Variants in IMPG2 observed in about 807,000 individuals in gnomAD.
IMPG2 encodes the protein IPM 200.
A neutral mutation model predicts 129.2 loss-of-function variants in IMPG2; 91 were observed. The observed-to-expected ratio is 0.70, with a 90% CI of 0.59 to 0.84. IMPG2 has a LOEUF of 0.84. IMPG2 is among the 40% of genes least tolerant of loss of function. IMPG2 has a pLI of 0.00. For missense variants in IMPG2, 1,430 were observed against 1,461.7 expected, an observed-to-expected ratio of 0.98 and a Z score of 0.35; for synonymous variants, 510 against 517.7, an observed-to-expected ratio of 0.99 and a Z score of 0.20.
intron 3 of IMPG2, among the ~76,000 whole-genome samples, chr3:101,300,558 G>T (rs1442639222): frequency 6.6e-6 from 1 of 152,246 alleles, no homozygotes; most frequent in African/African-American, 2.4e-5. Context: ...TCTGTGGGTT[G>T]CACAGTTCCG....
chr3:101,228,668 C>T (rs1706249144), intron 18 of IMPG2, 129 bp downstream of exon 18: 1 of 750,236 alleles, frequency 1.3e-6, no homozygotes, highest in African/African-American at 1.7e-5. Context: ...AAGAACTCAA[C>T]AAATGTTGGT....
chr3:101,309,430 G>A (rs1707238002), intron 2 of IMPG2, among the ~76,000 whole-genome samples: 1 of 152,118 alleles, frequency 6.6e-6, no homozygotes, highest in African/African-American at 2.4e-5. Flanking sequence ...GTGGAAGGGG[G>A]AGCAAACACA....
intron 7 of IMPG2, among the ~76,000 whole-genome samples, chr3:101,273,286 T>C (rs1706806988): frequency 6.6e-6 from 1 of 152,230 alleles, no homozygotes; most frequent in Non-Finnish European, 1.5e-5. Context: ...AGCTTATTTC[T>C]CCAAATATTT....
rs183858594 is a variant in IMPG2, at chr3:101,310,373, G to A, written c.335-6061C>T. On this transcript the variant is annotated intron_variant, in intron 2 of 18. Transcript: ENST00000193391. Reference sequence around the variant, plus strand: ...GCCCAGGAGTTCAAGATTAGCCTGGGCAACGATATCTTGTCTCTACGAAAA... The same window carrying A: ...GCCCAGGAGTTCAAGATTAGCCTGGACAACGATATCTTGTCTCTACGAAAA... Among the ~76,000 whole-genome samples, 4 of 152,066 alleles carry A rather than the reference G, an allele frequency of 2.6e-5. No individual in the cohort carries two copies. The East Asian group carries it at 7.8e-4, about 29-fold the overall frequency.
At chr3:101,295,743 G>A (rs1050739763) in intron 3 of IMPG2, among the ~76,000 whole-genome samples, 2 of 152,040 alleles carry the variant, frequency 1.3e-5, no homozygotes, top group African/African-American at 4.8e-5. Flanking sequence ...CTTGAACAGT[G>A]AGTGGTTTGT....
At chr3:101,268,092 T>C (rs962388857) in intron 8 of IMPG2, among the ~76,000 whole-genome samples, 1 of 152,248 alleles carries the variant, frequency 6.6e-6, no homozygotes, top group African/African-American at 2.4e-5. Context: ...ATCCTCATAA[T>C]ATAGGTATAG....
At chr3:101,247,100 A>C (rs1323006875) in intron 11 of IMPG2, among the ~76,000 whole-genome samples, 5 of 151,730 alleles carry the variant, frequency 3.3e-5, no homozygotes, top group Admixed American at 6.6e-5. Context: ...TGTCTCTTAA[A>C]AAAAAAAAAA....
At chr3:101,249,961 A>G (rs1439543407) in intron 11 of IMPG2, among the ~76,000 whole-genome samples, 3 of 152,110 alleles carry the variant, frequency 2.0e-5, no homozygotes, top group Admixed American at 6.6e-5. Context: ...GTGCATTCCT[A>G]TAGTACTCTG....
At chr3:101,228,776 G>A (rs759595701) in intron 18 of IMPG2, 21 bp downstream of exon 18, 24 of 1,596,480 alleles carry the variant, frequency 1.5e-5, no homozygotes, top group Non-Finnish European at 1.9e-5. Flanking sequence ...GTCGGGGTGG[G>A]GGGCTGTTTC....
chr3:101,272,154 G>A (rs896135383), intron 7 of IMPG2, among the ~76,000 whole-genome samples: 14 of 151,612 alleles, frequency 9.2e-5, no homozygotes, highest in African/African-American at 3.4e-4. Flanking sequence ...AAGACTAATA[G>A]CTCCTAAACC....
chr3:101,285,448 A>G (rs1158180739), intron 4 of IMPG2, among the ~76,000 whole-genome samples: 1 of 152,208 alleles, frequency 6.6e-6, no homozygotes, highest in East Asian at 1.9e-4. Context: ...AAAGCCTGAG[A>G]AACAGGTATT....
chr3:101,240,460 G>A (rs1706394644), intron 14 of IMPG2, among the ~76,000 whole-genome samples: 1 of 152,064 alleles, frequency 6.6e-6, no homozygotes, highest in Non-Finnish European at 1.5e-5. Flanking sequence ...CTTCGCAAAA[G>A]TTTTATAAAT....
At chr3:101,266,237 A>C (rs1706719610) in intron 9 of IMPG2, among the ~76,000 whole-genome samples, 1 of 152,198 alleles carries the variant, frequency 6.6e-6, no homozygotes, top group African/African-American at 2.4e-5. Context: ...TATATCAAAG[A>C]GATATCCACA....
chr3:101,261,170 C>A (rs1418614335), intron 9 of IMPG2, among the ~76,000 whole-genome samples: 1 of 152,082 alleles, frequency 6.6e-6, no homozygotes, highest in South Asian at 2.1e-4. Flanking sequence ...GCGTGATAGA[C>A]CATATCTACC....
At chr3:101,233,018 A>T in intron 14 of IMPG2, 27 bp from the exon 15 acceptor site, 1 of 1,606,256 alleles carries the variant, frequency 6.2e-7, no homozygotes, top group African/African-American at 1.3e-5. Flanking sequence ...AGAATAATGC[A>T]AGAAAAGGCA....
At position 101,236,808 on chromosome 3, in the gene IMPG2, G is replaced by GTTTGTT. The variant is rs558935559; in HGVS notation, c.3023-3823_3023-3818dup. 5.8e-3 allele frequency among the ~76,000 whole-genome samples: 881 copies of GTTTGTT among 152,266 alleles called. 10 individuals carry two copies. Among genetic ancestry groups the GTTTGTT allele is most frequent in the African/African-American group, 0.021 (852 of 41,538 alleles). ...GACACCAAGCTAGCTGCAGGAGTTG[G>GTTTGTT]TTTGTTTTTGTTTTTGTTTTTCATA... is the stretch of plus-strand genomic sequence containing the variant. On this transcript the variant is annotated intron_variant, in intron 14 of 18. Coordinates refer to ENST00000193391, the MANE Select transcript of IMPG2 (RefSeq NM_016247.4).
intron 3 of IMPG2, among the ~76,000 whole-genome samples, chr3:101,303,920 T>C (rs1707162861): frequency 6.6e-6 from 1 of 152,176 alleles, no homozygotes; most frequent in South Asian, 2.1e-4. Context: ...TGTCTTCTTT[T>C]TCTTTTTGTG....
intron 9 of IMPG2, among the ~76,000 whole-genome samples, chr3:101,260,223 A>G (rs1227083981): frequency 6.6e-6 from 1 of 152,124 alleles, no homozygotes; most frequent in Non-Finnish European, 1.5e-5. Flanking sequence ...TTTTCCTCCC[A>G]GATATAACAG....
At chr3:101,287,559 A>G (rs1706961455) in intron 4 of IMPG2, among the ~76,000 whole-genome samples, 1 of 152,192 alleles carries the variant, frequency 6.6e-6, no homozygotes, top group East Asian at 1.9e-4. Context: ...CCAATGGAAC[A>G]GGATAGAAAA....
Sources: allele counts gnomAD v4.1 joint callset (sites outside exome capture counted in the v4.1 genomes callset), GRCh38; gene constraint gnomAD v4.1.1; transcripts MANE v1.5; gene names NCBI Gene and HGNC (gene_info 2026-07-23, HGNC 2026-07-21).